GABPA: variants seen among roughly 807,000 people sequenced by gnomAD.
GABPA encodes the protein GA binding protein transcription factor subunit alpha, also known as GA-binding protein alpha chain.
A neutral mutation model predicts 59.4 loss-of-function variants in GABPA; 4 were observed. The ratio of observed to expected loss-of-function variants is 0.07; its 90% CI spans 0.03 to 0.15. GABPA has a LOEUF of 0.15. Among genes scored for constraint, GABPA ranks in the 10% least tolerant of loss-of-function variants. GABPA has a pLI of 1.00. For missense variants in GABPA, 251 were observed against 543.8 expected, an observed-to-expected ratio of 0.46 and a Z score of 5.36; for synonymous variants, 164 against 183.1, an observed-to-expected ratio of 0.90 and a Z score of 0.84.
intron 7 of GABPA, among the ~76,000 whole-genome samples, 182 bp from the exon 8 acceptor site, chr21:25,764,028 C>G (rs553274626): frequency 1.3e-5 from 2 of 152,236 alleles, no homozygotes; most frequent in African/African-American, 4.8e-5. Flanking sequence ...AAGCGTTATA[C>G]TTTACCATCT....
chr21:25,736,425 C>T (rs2035063090), intron 1 of GABPA, among the ~76,000 whole-genome samples: 1 of 152,112 alleles, frequency 6.6e-6, no homozygotes, highest in Non-Finnish European at 1.5e-5. Flanking sequence ...CAGAAGAAAC[C>T]GCTCAACTCT....
Position 25,752,156 on chromosome 21 carries a change from A to G in GABPA, c.475A>G (p.Thr159Ala). Reference sequence around the variant, plus strand: ...ACACATCACAACCATTTCAGATGAAACTTCAGAACAAGTGACAAGATGGGC... The same window carrying G: ...ACACATCACAACCATTTCAGATGAAGCTTCAGAACAAGTGACAAGATGGGC... ...TKHITTISDE[T>A]SEQVTRWAAA... Residue 159 changes from threonine (T) to alanine (A), a missense_variant, in exon 5 of 10, where the codon ACT (threonine) becomes GCT (alanine). Thr to Ala is a moderately conservative substitution (Grantham distance 58). Around this residue, in one of 4 missense-constraint regions of GABPA, gnomAD observed 207 missense variants for 366.7 expected, o/e 0.56. Transcript: ENST00000400075. 6.2e-7 allele frequency: 1 copy of G among 1,610,620 alleles called. No homozygotes were observed. Among genetic ancestry groups the G allele is most frequent in the East Asian group, 2.2e-5 (1 of 44,802 alleles).
chr21:25,744,789 C>T (rs1398569501), intron 2 of GABPA, among the ~76,000 whole-genome samples: 1 of 150,882 alleles, frequency 6.6e-6, no homozygotes, highest in Non-Finnish European at 1.5e-5. Flanking sequence ...TTATATCTTT[C>T]TTTTTTTTTA....
rs957953541 is a variant in GABPA at position 25,752,031 on chromosome 21, C to T, written c.350C>T (p.Ala117Val). 6.2e-7 allele frequency: 1 copy of T among 1,610,638 alleles called. No homozygotes were observed. Among genetic ancestry groups the T allele is most frequent in the East Asian group, 2.2e-5 (1 of 44,832 alleles). ...KLNILEIVKP[A>V]DTVEVVIDPD... is the part of the protein sequence containing the mutation. ...AACATCCTTGAAATTGTTAAACCTG[C>T]GGACACTGTTGAGGTTGTTATTGAT... The change falls in exon 5 of 10, where the codon GCG (alanine) becomes GTG (valine). Residue 117 changes from alanine to valine, a missense_variant. Coordinates refer to ENST00000400075, the MANE Select transcript of GABPA (RefSeq NM_002040.4).
intron 1 of GABPA, among the ~76,000 whole-genome samples, chr21:25,739,379 G>T (rs2035161098): frequency 6.6e-6 from 1 of 152,204 alleles, no homozygotes; most frequent in South Asian, 2.1e-4. Flanking sequence ...TACAGTTTTG[G>T]AGTCAGAAAT....
At chr21:25,757,759 A>G (rs2123550504) in intron 5 of GABPA, among the ~76,000 whole-genome samples, 1 of 151,664 alleles carries the variant, frequency 6.6e-6, no homozygotes, top group East Asian at 1.9e-4. Flanking sequence ...GTTTTTCTTG[A>G]TACAGTTCCA....
intron 4 of GABPA, among the ~76,000 whole-genome samples, chr21:25,749,692 G>A (rs545229223): frequency 6.6e-6 from 1 of 152,312 alleles, no homozygotes; most frequent in South Asian, 2.1e-4. Flanking sequence ...TAAGCTGGGT[G>A]TGGTGGCACA....
intron 2 of GABPA, 24 bp downstream of exon 2, chr21:25,741,699 T>G: frequency 1.3e-6 from 2 of 1,537,966 alleles, no homozygotes; most frequent in Non-Finnish European, 1.8e-6. Flanking sequence ...AATTTATCAT[T>G]TTTTTTCAAA....
intron 4 of GABPA, among the ~76,000 whole-genome samples, chr21:25,749,843 C>T (rs1307512355): frequency 1.3e-5 from 2 of 152,104 alleles, no homozygotes; most frequent in Non-Finnish European, 2.9e-5. Flanking sequence ...ATCAGTCAAT[C>T]AATAAAAAAA....
chr21:25,735,166 C>T lies in GABPA; in HGVS notation c.-439C>T, dbSNP rs907309270. Reference sequence around the variant, plus strand: ...CCCCTCCTTGAAACCTTGCTCTGTACGCATGCGCTCTTTGAGTGGCCTTTC... The same window carrying T: ...CCCCTCCTTGAAACCTTGCTCTGTATGCATGCGCTCTTTGAGTGGCCTTTC... On this transcript the variant is annotated 5_prime_UTR_variant, in exon 1 of 10. The change creates a new upstream start codon in the 5' untranslated region. Transcript: ENST00000400075. 9 of 616,892 alleles carry T rather than the reference C, an allele frequency of 1.5e-5. No individual in the cohort carries two copies. The highest frequency in any genetic ancestry group is 2.3e-5 in the Non-Finnish European group (8 of 342,884). The allele number at this position is 616,892 out of a possible 1,614,324, so 38.2% of individuals were successfully genotyped here. A position where few individuals can be genotyped will look rare whatever the true frequency, so the allele number is the denominator to read the frequency against.
rs1304174716 is a variant in GABPA at position 25,735,311 on chromosome 21, G to T, written c.-294G>T. 7 of 306,754 alleles carry T rather than the reference G, an allele frequency of 2.3e-5. No homozygotes were observed. The highest frequency in any genetic ancestry group is 6.5e-5 in the East Asian group (1 of 15,494). The allele number at this position is 306,754 out of a possible 1,614,324, so 19.0% of individuals were successfully genotyped here. On this transcript the variant is annotated 5_prime_UTR_variant, in exon 1 of 10. Coordinates refer to ENST00000400075, the MANE Select transcript of GABPA (RefSeq NM_002040.4). ...GCGGATTGGGGCGTTGTGCTTCCTTGTACCTCGTGAGCCTCCGTTGCCTTG... is the reference window on the plus strand; with the variant it reads ...GCGGATTGGGGCGTTGTGCTTCCTTTTACCTCGTGAGCCTCCGTTGCCTTG...
chr21:25,760,923 A>C (rs1377554947), intron 6 of GABPA, among the ~76,000 whole-genome samples: 1 of 152,070 alleles, frequency 6.6e-6, no homozygotes, highest in Non-Finnish European at 1.5e-5. Context: ...GAAACAGACC[A>C]AACTCCAATC....
At chr21:25,736,807 T>C (rs551921822) in intron 1 of GABPA, among the ~76,000 whole-genome samples, 20 of 152,348 alleles carry the variant, frequency 1.3e-4, no homozygotes, top group African/African-American at 4.8e-4. Flanking sequence ...GCTTTCTCTT[T>C]TTATATTACA....
At chr21:25,767,761 T>C (rs1290751955) in intron 9 of GABPA, among the ~76,000 whole-genome samples, 1 of 152,114 alleles carries the variant, frequency 6.6e-6, no homozygotes, top group Non-Finnish European at 1.5e-5. Flanking sequence ...ACTAATGTAA[T>C]TGACATAAAT....
intron 1 of GABPA, among the ~76,000 whole-genome samples, chr21:25,740,874 A>G (rs1268747097): frequency 6.6e-6 from 1 of 152,224 alleles, no homozygotes; most frequent in Non-Finnish European, 1.5e-5. Context: ...CTTTGCAGTA[A>G]ATTCTGCTAC....
At chr21:25,741,809 T>G (rs2035228789) in intron 2 of GABPA, 134 bp downstream of exon 2, 1 of 562,398 alleles carries the variant, frequency 1.8e-6, no homozygotes, top group Non-Finnish European at 3.1e-6. Flanking sequence ...TGTATTGTTT[T>G]ATTTCCTCTG....
chr21:25,763,414 A>G (rs1291562996), intron 7 of GABPA: 1 of 207,252 alleles, frequency 4.8e-6, no homozygotes, highest in African/African-American at 2.4e-5. Flanking sequence ...TGAGATACAC[A>G]AAGAAAGTAT....
intron 2 of GABPA, 128 bp from the exon 3 acceptor site, chr21:25,745,082 T>C: frequency 1.1e-6 from 1 of 907,434 alleles, no homozygotes; most frequent in Non-Finnish European, 1.7e-6. Flanking sequence ...TGCCACAGTA[T>C]CTATGTAGAA....
chr21:25,768,604 G>C (rs1012939680), intron 9 of GABPA, among the ~76,000 whole-genome samples: 1 of 152,044 alleles, frequency 6.6e-6, no homozygotes, highest in African/African-American at 2.4e-5. Context: ...AGGAATAAAA[G>C]CTTTGAGAAA....
Sources: allele counts gnomAD v4.1 joint callset (sites outside exome capture counted in the v4.1 genomes callset), GRCh38; gene constraint gnomAD v4.1.1; regional missense constraint gnomAD v4.1.1; transcripts MANE v1.5; gene names NCBI Gene and HGNC (gene_info 2026-07-23, HGNC 2026-07-21).